Variants in F8 observed in about 807,000 individuals in gnomAD.
F8 encodes coagulation factor VIII, also known as antihemophilic factor.
F8 carries 12 observed loss-of-function variants against 140.6 expected under a neutral mutation model. That is an observed-to-expected ratio of 0.09 (90% CI 0.05 to 0.14). The LOEUF (loss-of-function observed/expected upper bound fraction) is 0.14, where lower values mean the gene tolerates loss of function less well. Among genes scored for constraint, F8 ranks in the 10% least tolerant of loss-of-function variants. The pLI, the probability that F8 is intolerant of heterozygous loss-of-function variation, is 1.00. For missense variants in F8, 1,354 were observed against 1,720.7 expected, an observed-to-expected ratio of 0.79 and a Z score of 3.77; for synonymous variants, 585 against 614.6, an observed-to-expected ratio of 0.95 and a Z score of 0.71.
At position 155,005,478 on chromosome X, in the gene F8, A is replaced by AT. The variant is rs782025457; in HGVS notation, c.144-5879_144-5878insA. 2.1e-3 allele frequency among the ~76,000 whole-genome samples: 231 copies of AT among 110,812 alleles called. 1 individual carries two copies. Among genetic ancestry groups the AT allele is most frequent in the Admixed American group, 3.3e-3 (34 of 10,458 alleles). On this transcript the variant is annotated intron_variant, in intron 1 of 25. Transcript: ENST00000360256. ...GGGAGGGATCTAGAATGGGTAGTAG[A>AT]AGGGGAAGATGATGAGTACCAGTTG...
At position 154,957,251 on chromosome X, in the gene F8, GT is replaced by G. The variant is rs1397310049; in HGVS notation, c.1538-81del. On this transcript the variant is annotated intron_variant, in intron 10 of 25. Coordinates refer to ENST00000360256, the MANE Select transcript of F8 (RefSeq NM_000132.4). Reference sequence around the variant, plus strand: ...TGATAATCATGTTGTTGTTGCAAGGGTTCTACAAATCTGTATGTACATATGA... The same window carrying G: ...TGATAATCATGTTGTTGTTGCAAGGGTCTACAAATCTGTATGTACATATGA... 8.9e-6 allele frequency: 7 copies of G among 789,605 alleles called. No individual in the cohort carries two copies. The Admixed American group carries it at 1.3e-4, about 15-fold the overall frequency. 65.1% of individuals were successfully genotyped at this position (789,605 alleles called of 1,213,427 possible).
intron 14 of F8, among the ~76,000 whole-genome samples, chrX:154,916,826 C>T (rs1390319943): frequency 1.8e-5 from 2 of 109,981 alleles, no homozygotes; most frequent in African/African-American, 6.6e-5. Flanking sequence ...TTTCCTTCTA[C>T]TAATTTTGGG....
chrX:154,928,931 A>G lies in F8; in HGVS notation c.4859T>C (p.Leu1620Pro). The G allele has an allele frequency of 8.3e-7, 1 of 1,211,656 alleles. No homozygotes were observed. The highest frequency in any genetic ancestry group is 2.3e-4 in the Middle Eastern group (1 of 4,351). ...TGCATGATTGCTTTCACAAGCGTTCAGGGACAAAATGGTATCCTTTTTCTT... is the reference window on the plus strand; with the variant it reads ...TGCATGATTGCTTTCACAAGCGTTCGGGGACAAAATGGTATCCTTTTTCTT... ...AFKKKDTILS[L>P]NACESNHAIA... is the part of the protein sequence containing the mutation. The change falls in exon 14 of 26, where the codon CTG (leucine) becomes CCG (proline). Residue 1620 changes from leucine to proline, a missense_variant. Transcript: ENST00000360256.
intron 12 of F8, among the ~76,000 whole-genome samples, chrX:154,951,996 G>A (rs1228400359): frequency 1.8e-5 from 2 of 112,300 alleles, no homozygotes; most frequent in African/African-American, 6.5e-5. Flanking sequence ...CAGTTTAACT[G>A]TCCAGATACT....
chrX:154,894,906 C>A (rs1282438125), intron 22 of F8, among the ~76,000 whole-genome samples: 3 of 111,674 alleles, frequency 2.7e-5, no homozygotes, highest in Non-Finnish European at 5.6e-5. Flanking sequence ...GATTCCAGCA[C>A]CCAGCTGTTA....
chrX:154,893,880 C>T (rs1317358490), intron 22 of F8, among the ~76,000 whole-genome samples: 2 of 111,351 alleles, frequency 1.8e-5, no homozygotes, highest in South Asian at 3.8e-4. Flanking sequence ...TCTTTTTCTC[C>T]CAGCCCCTCC....
At chrX:154,897,464 G>T (rs1557275689) in intron 21 of F8, 4 of 112,558 alleles carry the variant, frequency 3.6e-5, no homozygotes, top group Non-Finnish European at 7.5e-5. Flanking sequence ...TTGAGTAGGA[G>T]AAATAGACCT....
At chrX:154,990,208 C>G (rs1175291494) in intron 4 of F8, among the ~76,000 whole-genome samples, 1 of 111,720 alleles carries the variant, frequency 9.0e-6, no homozygotes, top group Non-Finnish European at 1.9e-5. Context: ...AGATTTAAGC[C>G]TATCATTTTA....
chrX:154,961,312 C>G (rs2073394671), intron 9 of F8, 144 bp from the exon 10 acceptor site: 1 of 454,869 alleles, frequency 2.2e-6, no homozygotes, highest in Non-Finnish European at 3.9e-6. Flanking sequence ...AATATTTGGT[C>G]TTTTCATGAA....
chrX:154,978,254 C>A (rs2073498409), intron 6 of F8, among the ~76,000 whole-genome samples: 1 of 110,425 alleles, frequency 9.1e-6, no homozygotes, highest in South Asian at 3.8e-4. Context: ...TCCAGGATTT[C>A]ATAAATTTTT....
At chrX:154,994,059 C>G (rs1192971133) in intron 3 of F8, among the ~76,000 whole-genome samples, 8 of 112,262 alleles carry the variant, frequency 7.1e-5, no homozygotes, top group Admixed American at 4.7e-4. Context: ...AGTAAACAAG[C>G]TTCCTACTCT....
intron 1 of F8, among the ~76,000 whole-genome samples, chrX:155,000,218 C>A (rs1419828556): frequency 1.8e-5 from 2 of 112,354 alleles, no homozygotes; most frequent in African/African-American, 3.2e-5. Flanking sequence ...TGGTTCCCAA[C>A]TTTTCCTCTC....
intron 15 of F8, 52 bp downstream of exon 15, chrX:154,906,368 A>C (rs1603433035): frequency 8.8e-7 from 1 of 1,132,550 alleles, no homozygotes; most frequent in Non-Finnish European, 1.2e-6. Context: ...AGTCAGCAAG[A>C]AAATAAATAT....
intron 22 of F8, among the ~76,000 whole-genome samples, chrX:154,865,985 T>C (rs2072728610): frequency 9.0e-6 from 1 of 111,212 alleles, no homozygotes; most frequent in Admixed American, 9.6e-5. Flanking sequence ...AGGACCCAAC[T>C]ACATGTTGTT....
In F8 at chrX:155,014,548, G is replaced by A. The variant is rs144540165; in HGVS notation, c.143+7862C>T. On this transcript the variant is annotated intron_variant, in intron 1 of 25. Coordinates refer to ENST00000360256, the MANE Select transcript of F8 (RefSeq NM_000132.4). ...AGAAATTCTAAAAGAAGTGCAAAAC[G>A]CTACTAGAGCTAAAATGCAAATTAA... 5.7e-3 allele frequency among the ~76,000 whole-genome samples: 638 copies of A among 112,225 alleles called. 3 individuals are homozygous for A. Among genetic ancestry groups the A allele is most frequent in the African/African-American group, 0.019 (600 of 30,955 alleles).
At chrX:154,849,043 A>T (rs1431421390) in intron 25 of F8, among the ~76,000 whole-genome samples, 2 of 111,234 alleles carry the variant, frequency 1.8e-5, no homozygotes, top group Non-Finnish European at 3.8e-5. Context: ...AATTGACGAG[A>T]GATGTGTTAA....
chrX:154,876,115 ATTT>A (rs58675912), intron 22 of F8, among the ~76,000 whole-genome samples: 3 of 81,452 alleles, frequency 3.7e-5, no homozygotes, highest in African/African-American at 1.2e-4. Context: ...TATCATGGGA[ATTT>A]TTTTTTTTTT....
chrX:154,863,692 C>T (rs1288768580), intron 22 of F8, among the ~76,000 whole-genome samples: 1 of 111,073 alleles, frequency 9.0e-6, no homozygotes, highest in East Asian at 2.8e-4. Context: ...TTTGTGGGAG[C>T]CTTGGGATTC....
intron 14 of F8, among the ~76,000 whole-genome samples, chrX:154,926,902 T>C (rs1309278935): frequency 9.0e-6 from 1 of 111,526 alleles, no homozygotes; most frequent in Non-Finnish European, 1.9e-5. Context: ...AGAGTGAGTA[T>C]AAATAGAATA....
Sources: gnomAD v4.1 joint callset for allele counts (sites outside exome capture counted in the v4.1 genomes callset) on GRCh38, gnomAD v4.1.1 for gene constraint, MANE v1.5 for transcripts, NCBI Gene and HGNC (gene_info 2026-07-23, HGNC 2026-07-21) for gene names.